PARP4: variants seen among roughly 807,000 people sequenced by gnomAD.
PARP4 encodes poly(ADP-ribose) polymerase family member 4.
A neutral mutation model predicts 187.7 loss-of-function variants in PARP4; 120 were observed. The observed-to-expected ratio is 0.64, with a 90% CI of 0.55 to 0.74. The LOEUF is 0.74. PARP4 is among the 30% of genes least tolerant of loss of function. The pLI, the probability that PARP4 is intolerant of heterozygous loss-of-function variation, is 0.00. For missense variants in PARP4, 1,836 were observed against 2,070.5 expected (o/e 0.89, Z 2.20); for synonymous variants, 654 against 740.9 (o/e 0.88, Z 1.90).
At position 24,494,578 on chromosome 13, in the gene PARP4, G is replaced by T. The variant is rs202014084; in HGVS notation, c.736C>A (p.Gln246Lys). Reference protein sequence around the residue: ...EATQLASEQLQALLLEEVMNS... With the variant: ...EATQLASEQLKALLLEEVMNS... ...AAATTATAAATCAATCTCACTGCTT[G>T]CAATTGTTCAGATGCTAATTGGGTT... Residue 246 changes from glutamine (Q) to lysine (K), a missense_variant, in exon 7 of 34, where the codon CAA becomes AAA. By Grantham distance (53) the Gln-to-Lys change is moderately conservative. Coordinates refer to ENST00000381989, the MANE Select transcript of PARP4 (RefSeq NM_006437.4). The T allele has an allele frequency of 6.2e-7, 1 of 1,603,374 alleles. No homozygotes were observed. Among genetic ancestry groups the T allele is most frequent in the African/African-American group, 1.3e-5 (1 of 74,434 alleles).
At chr13:24,448,515 C>T (rs547387360) in intron 25 of PARP4, among the ~76,000 whole-genome samples, 1 of 151,362 alleles carries the variant, frequency 6.6e-6, no homozygotes, top group South Asian at 2.1e-4. Context: ...TCCTGGTGCA[C>T]TGGTGGTGGG....
At chr13:24,458,597 C>A (rs545369246) in intron 20 of PARP4, among the ~76,000 whole-genome samples, 283 of 151,566 alleles carry the variant, frequency 1.9e-3, no homozygotes, top group African/African-American at 6.7e-3. Flanking sequence ...ACAAAACAAA[C>A]AAAAAAAACT....
rs935875609 is a variant in PARP4 at position 24,441,606 on chromosome 13, T to A, written c.3666+240A>T. Among the ~76,000 whole-genome samples the A allele has an allele frequency of 2.6e-5, 4 of 152,286 alleles. No individual in the cohort carries two copies. In the East Asian group the frequency reaches 7.7e-4, roughly 29 times the overall value. On this transcript the variant is annotated intron_variant, in intron 30 of 33. Coordinates refer to ENST00000381989, the MANE Select transcript of PARP4 (RefSeq NM_006437.4). ...TGGATGACAATCTATTTGCCCATGATAGAAGCACAGCCAGAGGTGTTCTCT... is the reference window on the plus strand; with the variant it reads ...TGGATGACAATCTATTTGCCCATGAAAGAAGCACAGCCAGAGGTGTTCTCT...
At chr13:24,500,512 G>T in intron 3 of PARP4, 130 bp from the exon 4 acceptor site, 1 of 506,608 alleles carries the variant, frequency 2.0e-6, no homozygotes, top group Non-Finnish European at 3.5e-6. Flanking sequence ...GTGATCAAAG[G>T]ATAACCCAGT....
rs1400036387 is a variant in PARP4 at position 24,478,198 on chromosome 13, C to G, written c.1527G>C (p.Lys509Asn). 6 of 1,613,760 alleles carry G rather than the reference C, an allele frequency of 3.7e-6. No individual in the cohort carries two copies. In the African/African-American group the frequency reaches 6.7e-5, roughly 18 times the overall value. The change falls in exon 13 of 34, where the codon AAG becomes AAC. Residue 509 changes from lysine to asparagine, a missense_variant. Physicochemically the swap from Lys to Asn is moderately conservative, Grantham distance 94. Around this residue, in one of 8 missense-constraint regions of PARP4, gnomAD observed 1,147 missense variants for 1,214.2 expected, o/e 0.94. Coordinates refer to ENST00000381989, the MANE Select transcript of PARP4 (RefSeq NM_006437.4). ...AGTCCTTCTCATGTAAGTCCATACA[C>G]TTTCCGAGGGCTACGTCACAAATGA... Reference protein sequence around the residue: ...LLLICDVALGKCMDLHEKDFS... With the variant: ...LLLICDVALGNCMDLHEKDFS...
At chr13:24,422,991 G>A (rs1234014771) in intron 33 of PARP4, among the ~76,000 whole-genome samples, 1 of 152,104 alleles carries the variant, frequency 6.6e-6, no homozygotes, top group Non-Finnish European at 1.5e-5. Flanking sequence ...CAATATGCTG[G>A]AATATACTTG....
At chr13:24,431,507 T>C (rs1345786075) in intron 31 of PARP4, 31 bp from the exon 32 acceptor site, 9 of 1,373,066 alleles carry the variant, frequency 6.6e-6, no homozygotes, top group Non-Finnish European at 9.3e-6. Flanking sequence ...AAATAAGTTA[T>C]GTTATTCACA....
chr13:24,450,854 G>A (rs891946731), intron 24 of PARP4, among the ~76,000 whole-genome samples: 6 of 152,118 alleles, frequency 3.9e-5, no homozygotes, highest in Admixed American at 6.6e-5. Flanking sequence ...CAGACTCCCC[G>A]TCACATGCCT....
Position 24,431,853 on chromosome 13 carries a change from A to G in PARP4, c.4747-377T>C, listed in dbSNP as rs141166620. ...CTATGAACACTACATATCTGGTGGCACTTATAAAAAGTGTGGAAAGAGGCT... is the reference window on the plus strand; with the variant it reads ...CTATGAACACTACATATCTGGTGGCGCTTATAAAAAGTGTGGAAAGAGGCT... On this transcript the variant is annotated intron_variant, in intron 31 of 33. Transcript: ENST00000381989. Among the ~76,000 whole-genome samples, 236 of 152,352 alleles carry G rather than the reference A, an allele frequency of 1.5e-3. 1 individual carries two copies. The highest frequency in any genetic ancestry group is 5.5e-3 in the African/African-American group (227 of 41,588).
Position 24,434,340 on chromosome 13 carries a change from G to A in PARP4, c.4746+55C>T, listed in dbSNP as rs1251437955. 4.7e-6 allele frequency: 7 copies of A among 1,499,772 alleles called. No individual in the cohort carries two copies. In the Admixed American group the frequency reaches 6.8e-5, roughly 15 times the overall value. 92.9% of individuals were successfully genotyped at this position (1,499,772 alleles called of 1,614,324 possible). A position where few individuals can be genotyped will look rare whatever the true frequency, so the allele number is the denominator to read the frequency against. On this transcript the variant is annotated intron_variant, in intron 31 of 33. Coordinates refer to ENST00000381989, the MANE Select transcript of PARP4 (RefSeq NM_006437.4). ...TTGACCAGCTGCTTTGAGGAGCCCCGTTCTAAACTATGAAGCCAGCCAACC... is the reference window on the plus strand; with the variant it reads ...TTGACCAGCTGCTTTGAGGAGCCCCATTCTAAACTATGAAGCCAGCCAACC...
At chr13:24,422,096 G>A (rs1869778501) in intron 33 of PARP4, among the ~76,000 whole-genome samples, 1 of 152,144 alleles carries the variant, frequency 6.6e-6, no homozygotes, top group South Asian at 2.1e-4. Context: ...ATAGCGTGGT[G>A]GTTAAGAGCT....
chr13:24,449,387 C>CAAAAAA (rs55699776), intron 25 of PARP4, among the ~76,000 whole-genome samples: 1 of 82,096 alleles, frequency 1.2e-5, no homozygotes, highest in Non-Finnish European at 2.5e-5. Flanking sequence ...GACTCTGTCT[C>CAAAAAA]AAAAAAAAAA....
chr13:24,482,607 G>A (rs926290969), intron 12 of PARP4, among the ~76,000 whole-genome samples: 3 of 152,008 alleles, frequency 2.0e-5, no homozygotes, highest in Non-Finnish European at 4.4e-5. Context: ...TTAGATGATC[G>A]TTAGGATTTT....
chr13:24,454,176 T>A (rs777289756), intron 22 of PARP4, among the ~76,000 whole-genome samples: 46 of 152,218 alleles, frequency 3.0e-4, no homozygotes, highest in Non-Finnish European at 5.7e-4. Flanking sequence ...TGCTTTACTA[T>A]GCAAAATGTT....
chr13:24,459,217 A>C, intron 19 of PARP4, 47 bp downstream of exon 19: 1 of 1,589,910 alleles, frequency 6.3e-7, no homozygotes, highest in Non-Finnish European at 8.6e-7. Flanking sequence ...TTAAACCAGA[A>C]AACCAATATC....
chr13:24,455,889 C>G (rs557760060), intron 21 of PARP4, among the ~76,000 whole-genome samples: 6 of 152,028 alleles, frequency 3.9e-5, no homozygotes, highest in Non-Finnish European at 5.9e-5. Context: ...TCTCAAAGTG[C>G]TGGGATTACA....
At chr13:24,447,420 G>T (rs1871270712) in intron 25 of PARP4, among the ~76,000 whole-genome samples, 1 of 152,214 alleles carries the variant, frequency 6.6e-6, no homozygotes, top group Non-Finnish European at 1.5e-5. Context: ...GAGTGCAGTG[G>T]CACAATCTTG....
chr13:24,504,516 T>C (rs1393555768), intron 1 of PARP4, among the ~76,000 whole-genome samples: 1 of 151,938 alleles, frequency 6.6e-6, no homozygotes, highest in Non-Finnish European at 1.5e-5. Flanking sequence ...GGTTTCACCA[T>C]GTTGACCAGG....
intron 1 of PARP4, among the ~76,000 whole-genome samples, chr13:24,508,544 G>A (rs1869832699): frequency 6.6e-6 from 1 of 152,036 alleles, no homozygotes; most frequent in South Asian, 2.1e-4. Context: ...AGACAGTCTC[G>A]CTTTTGTCAC....
Sources: allele counts gnomAD v4.1 joint callset (sites outside exome capture counted in the v4.1 genomes callset), GRCh38; gene constraint gnomAD v4.1.1; regional missense constraint gnomAD v4.1.1; transcripts MANE v1.5; gene names NCBI Gene and HGNC (gene_info 2026-07-23, HGNC 2026-07-21).